Variants in BMPR1B observed in about 807,000 individuals in gnomAD.
BMPR1B encodes bone morphogenetic protein receptor type 1B.
In BMPR1B, 12 loss-of-function variants were observed where a neutral mutation model predicts 59.1. The ratio of observed to expected loss-of-function variants is 0.20; its 90% CI spans 0.13 to 0.33. The LOEUF is 0.33. Ranked by LOEUF, BMPR1B falls within the 10% of genes least tolerant of loss-of-function variation. The pLI is 1.00. For synonymous variants in BMPR1B, 237 were observed against 207.3 expected (o/e 1.14, Z -1.23); for missense variants, 550 against 610.9 (o/e 0.90, Z 1.05).
intron 2 of BMPR1B, among the ~76,000 whole-genome samples, chr4:94,980,688 A>G (rs1183177794): frequency 5.3e-5 from 8 of 152,138 alleles, no homozygotes; most frequent in Non-Finnish European, 1.2e-4. Context: ...AGCTGCTGAG[A>G]TAGGTTCTGG....
At chr4:94,951,807 G>C (rs772406066) in intron 2 of BMPR1B, among the ~76,000 whole-genome samples, 2 of 152,054 alleles carry the variant, frequency 1.3e-5, no homozygotes, top group East Asian at 3.9e-4. Flanking sequence ...CTTTTTCTTT[G>C]TTTGGAATAG....
chr4:94,937,763 C>T (rs149782946), intron 2 of BMPR1B, among the ~76,000 whole-genome samples: 35 of 151,740 alleles, frequency 2.3e-4, no homozygotes, highest in South Asian at 8.4e-4. Flanking sequence ...ATACACACTG[C>T]AGGAGAGGGA....
At chr4:95,142,136 A>G (rs760547687) in intron 10 of BMPR1B, among the ~76,000 whole-genome samples, 1 of 152,188 alleles carries the variant, frequency 6.6e-6, no homozygotes, top group Non-Finnish European at 1.5e-5. Flanking sequence ...TTGGGATTTT[A>G]TCATAGCAGC....
At chr4:94,794,300 C>G (rs969851765) in intron 1 of BMPR1B, among the ~76,000 whole-genome samples, 7 of 150,892 alleles carry the variant, frequency 4.6e-5, no homozygotes, top group Admixed American at 3.3e-4. Flanking sequence ...GCTTGTTTTT[C>G]TCAGGTTTGT....
chr4:95,037,790 GAGAT>G, intron 3 of BMPR1B, among the ~76,000 whole-genome samples: 1 of 152,232 alleles, frequency 6.6e-6, no homozygotes, highest in East Asian at 1.9e-4. Context: ...TAGAAAGAGA[GAGAT>G]AGGGCTTTAC....
At chr4:95,053,623 G>T (rs867382415) in intron 3 of BMPR1B, among the ~76,000 whole-genome samples, 1 of 151,976 alleles carries the variant, frequency 6.6e-6, no homozygotes, top group Non-Finnish European at 1.5e-5. Flanking sequence ...ATTAATTTAT[G>T]CAAAAATAGG....
intron 3 of BMPR1B, chr4:95,051,701 TG>T: frequency 6.5e-7 from 1 of 1,535,586 alleles, no homozygotes; most frequent in South Asian, 1.2e-5. Context: ...GCTGCTGCAA[TG>T]GGTTGGCTGG....
chr4:95,084,509 G>A (rs1174796274), intron 3 of BMPR1B, among the ~76,000 whole-genome samples: 2 of 152,130 alleles, frequency 1.3e-5, no homozygotes, highest in Non-Finnish European at 2.9e-5. Flanking sequence ...TTAGGTAAAG[G>A]TAGAGTTGGA....
At chr4:95,032,200 G>A (rs1430962393) in intron 3 of BMPR1B, among the ~76,000 whole-genome samples, 1 of 152,046 alleles carries the variant, frequency 6.6e-6, no homozygotes, top group African/African-American at 2.4e-5. Flanking sequence ...GTGAGCTCCT[G>A]CCTCCTGGTT....
intron 3 of BMPR1B, among the ~76,000 whole-genome samples, chr4:95,027,785 A>C (rs1023574764): frequency 6.6e-6 from 1 of 152,172 alleles, no homozygotes; most frequent in Non-Finnish European, 1.5e-5. Context: ...GCATATACAC[A>C]TGTATTTTTC....
chr4:95,001,497 C>A (rs917921934), intron 3 of BMPR1B, among the ~76,000 whole-genome samples: 1 of 152,116 alleles, frequency 6.6e-6, no homozygotes, highest in South Asian at 2.1e-4. Flanking sequence ...TTCTGCCACA[C>A]AAACATTCAT....
At chr4:94,802,121 T>C (rs1018999512) in intron 1 of BMPR1B, among the ~76,000 whole-genome samples, 1 of 152,198 alleles carries the variant, frequency 6.6e-6, no homozygotes, top group Non-Finnish European at 1.5e-5. Flanking sequence ...TATTTAGTTG[T>C]AGTAGTTTCT....
chr4:95,154,611 A>G lies in BMPR1B; in HGVS notation c.1447A>G (p.Thr483Ala), dbSNP rs1435017955. Reference protein sequence around the residue: ...CWAHNPASRLTALRVKKTLAK... With the variant: ...CWAHNPASRLAALRVKKTLAK... ...GGCTCACAATCCTGCATCAAGGCTG[A>G]CAGCCCTGCGGGTTAAGAAAACACT... The change falls in exon 13 of 13, where the codon ACA (threonine) becomes GCA (alanine). Residue 483 changes from threonine (T) to alanine (A), a missense_variant. Transcript: ENST00000515059. 2.5e-6 allele frequency: 4 copies of G among 1,614,130 alleles called. No homozygotes were observed. Among genetic ancestry groups the G allele is most frequent in the Non-Finnish European group, 3.4e-6 (4 of 1,179,968 alleles).
At chr4:95,120,763 CCCTCCCTT>C (rs1214496895) in intron 6 of BMPR1B, among the ~76,000 whole-genome samples, 1 of 149,824 alleles carries the variant, frequency 6.7e-6, no homozygotes, top group African/African-American at 2.5e-5. Flanking sequence ...CTCTCTCTCT[CCCTCCCTT>C]CCTCCCTTCC....
intron 2 of BMPR1B, among the ~76,000 whole-genome samples, chr4:94,910,627 G>T (rs1728236066): frequency 6.6e-6 from 1 of 152,012 alleles, no homozygotes; most frequent in Non-Finnish European, 1.5e-5. Flanking sequence ...AAAATTTCAG[G>T]CCAGGTATGG....
At chr4:95,005,672 A>T (rs1404835280) in intron 3 of BMPR1B, among the ~76,000 whole-genome samples, 1 of 151,616 alleles carries the variant, frequency 6.6e-6, no homozygotes, top group African/African-American at 2.4e-5. Context: ...CATAAATGTC[A>T]GTTGCATCTC....
At position 95,125,041 on chromosome 4, in the gene BMPR1B, TACA is replaced by T. The variant is rs772708128; in HGVS notation, c.506_508del (p.Tyr169_Ile170delinsPhe). On this transcript the variant is annotated inframe_deletion, in exon 8 of 13. Transcript: ENST00000515059. ...CATTGGGTTAGAACAGGATGAAACT[TACA>T]TTCCTCCTGGAGAATCCCTGAGAGA... The T allele has an allele frequency of 1.2e-6, 2 of 1,613,520 alleles. No homozygotes were observed. Among genetic ancestry groups the T allele is most frequent in the Non-Finnish European group, 1.7e-6 (2 of 1,179,506 alleles).
chr4:94,855,530 CAT>C (rs900149262), intron 1 of BMPR1B, among the ~76,000 whole-genome samples: 4 of 152,164 alleles, frequency 2.6e-5, no homozygotes, highest in Non-Finnish European at 5.9e-5. Context: ...TTTAAAATAA[CAT>C]AACATGTACG....
chr4:94,839,630 C>G (rs1724969869), intron 1 of BMPR1B, among the ~76,000 whole-genome samples: 1 of 147,828 alleles, frequency 6.8e-6, no homozygotes, highest in African/African-American at 2.5e-5. Flanking sequence ...TTCCTCCATC[C>G]TTTTATTTTG....
Sources: gnomAD v4.1 joint callset for allele counts (sites outside exome capture counted in the v4.1 genomes callset) on GRCh38, gnomAD v4.1.1 for gene constraint, MANE v1.5 for transcripts, NCBI Gene and HGNC (gene_info 2026-07-23, HGNC 2026-07-21) for gene names.